CAP2: variants seen among roughly 807,000 people sequenced by gnomAD.
CAP2 encodes cyclase associated actin cytoskeleton regulatory protein 2.
In CAP2, 24 loss-of-function variants were observed where a neutral mutation model predicts 57.7. The ratio of observed to expected loss-of-function variants is 0.42; its 90% CI spans 0.30 to 0.58. CAP2 has a LOEUF of 0.58. Ranked by LOEUF, CAP2 falls within the 20% of genes least tolerant of loss-of-function variation. CAP2 has a pLI of 0.22. For missense variants in CAP2, 501 were observed against 590.3 expected, an observed-to-expected ratio of 0.85 and a Z score of 1.57; for synonymous variants, 194 against 207.2, an observed-to-expected ratio of 0.94 and a Z score of 0.55.
intron 7 of CAP2, among the ~76,000 whole-genome samples, chr6:17,533,138 G>A (rs1360982310): frequency 3.5e-5 from 5 of 142,938 alleles, no homozygotes; most frequent in African/African-American, 1.3e-4. Context: ...AAAATCTAAA[G>A]TAATAAAGCG....
chr6:17,493,949 G>A (rs1761604942), intron 4 of CAP2, among the ~76,000 whole-genome samples: 1 of 152,086 alleles, frequency 6.6e-6, no homozygotes, highest in South Asian at 2.1e-4. Context: ...AGTTGATGGC[G>A]ACTCCATCCT....
chr6:17,457,747 C>T (rs563211214), intron 3 of CAP2, among the ~76,000 whole-genome samples: 1 of 152,328 alleles, frequency 6.6e-6, no homozygotes, highest in African/African-American at 2.4e-5. Context: ...AATTGGCCAT[C>T]TTTGCTCATC....
chr6:17,548,306 G>A (rs9477479), intron 11 of CAP2, among the ~76,000 whole-genome samples: 31,071 of 151,416 alleles, frequency 0.21, 3,294 homozygotes, highest in East Asian at 0.36. Context: ...GGCGGAGGTT[G>A]CAGTGAGCCA....
rs535925928 is a variant in CAP2 at position 17,425,715 on chromosome 6, G to A, written c.122-875G>A. ...CTACCTCCCTGGGTCCGGAGGGAAT[G>A]AAATGAAATTATGTAGCGTCTTTAC... is the stretch of plus-strand genomic sequence containing the variant. On this transcript the variant is annotated intron_variant, in intron 2 of 12. Transcript: ENST00000229922. Among the ~76,000 whole-genome samples, 4 of 152,290 alleles carry A rather than the reference G, an allele frequency of 2.6e-5. No individual in the cohort carries two copies. The South Asian group carries it at 8.3e-4, about 32-fold the overall frequency.
intron 7 of CAP2, among the ~76,000 whole-genome samples, chr6:17,534,753 T>G (rs1156487317): frequency 6.6e-6 from 1 of 152,126 alleles, no homozygotes; most frequent in Non-Finnish European, 1.5e-5. Flanking sequence ...TTCCTTCTCA[T>G]CCAGTCTAGA....
chr6:17,533,078 C>CAAAAAAAAAA (rs58337644), intron 7 of CAP2, among the ~76,000 whole-genome samples: 6 of 87,556 alleles, frequency 6.9e-5, no homozygotes, highest in African/African-American at 8.7e-5. Context: ...CACCCCCCAC[C>CAAAAAAAAAA]AAAAAAAAAA....
At chr6:17,525,240 A>G (rs9477469) in intron 7 of CAP2, among the ~76,000 whole-genome samples, 8,263 of 152,212 alleles carry the variant, frequency 0.054, 273 homozygotes, top group Middle Eastern at 0.095. Context: ...ATCAATCAAA[A>G]TAGTAGTAGC....
intron 1 of CAP2, among the ~76,000 whole-genome samples, chr6:17,401,887 C>T (rs2113501766): frequency 6.6e-6 from 1 of 152,234 alleles, no homozygotes; most frequent in Non-Finnish European, 1.5e-5. Flanking sequence ...CCCCTCAATG[C>T]CTCTTTCTGA....
chr6:17,539,536 A>G (rs1322199430), intron 8 of CAP2, 78 bp downstream of exon 8: 1 of 1,081,376 alleles, frequency 9.2e-7, no homozygotes, highest in East Asian at 2.5e-5. Context: ...CTGGAGCCCC[A>G]GTGATGGATA....
intron 4 of CAP2, among the ~76,000 whole-genome samples, chr6:17,503,876 C>T (rs907696815): frequency 7.2e-5 from 11 of 152,120 alleles, no homozygotes; most frequent in African/African-American, 2.4e-4. Flanking sequence ...TTGTAGTTGT[C>T]AGAAGGGAAA....
chr6:17,439,843 T>C (rs554384946), intron 3 of CAP2, among the ~76,000 whole-genome samples: 7 of 151,578 alleles, frequency 4.6e-5, no homozygotes, highest in Middle Eastern at 3.4e-3. Context: ...GCTGGCTTGC[T>C]CACTGCTCAC....
At chr6:17,406,551 G>A (rs969661819) in intron 1 of CAP2, among the ~76,000 whole-genome samples, 10 of 151,764 alleles carry the variant, frequency 6.6e-5, no homozygotes, top group South Asian at 2.1e-4. Flanking sequence ...ATGCCACCAC[G>A]CCTGGCTAAT....
intron 1 of CAP2, among the ~76,000 whole-genome samples, chr6:17,419,619 C>T (rs1759377896): frequency 6.6e-6 from 1 of 152,040 alleles, no homozygotes; most frequent in African/African-American, 2.4e-5. Context: ...TTAGTCGGTA[C>T]TTACCCTATG....
At chr6:17,544,287 A>C (rs758571779) in intron 11 of CAP2, among the ~76,000 whole-genome samples, 1 of 152,188 alleles carries the variant, frequency 6.6e-6, no homozygotes. Context: ...AGACTCTCCT[A>C]GTATGATTAG....
chr6:17,471,910 A>G (rs146157950), intron 4 of CAP2, among the ~76,000 whole-genome samples: 2 of 152,262 alleles, frequency 1.3e-5, no homozygotes, highest in African/African-American at 4.8e-5. Context: ...GGTATTTCCC[A>G]GTGGTCTGGA....
At chr6:17,545,887 G>A (rs2113705702) in intron 11 of CAP2, among the ~76,000 whole-genome samples, 1 of 152,186 alleles carries the variant, frequency 6.6e-6, no homozygotes, top group South Asian at 2.1e-4. Flanking sequence ...CTTTTTTATG[G>A]CTGTATAGTA....
chr6:17,459,725 A>T (rs999101797), intron 3 of CAP2, among the ~76,000 whole-genome samples: 1 of 151,538 alleles, frequency 6.6e-6, no homozygotes, highest in Non-Finnish European at 1.5e-5. Context: ...TGCAAAAAAG[A>T]TATGTAAATT....
Position 17,459,092 on chromosome 6 carries a change from G to A in CAP2, c.223-3904G>A, listed in dbSNP as rs76781475. Among the ~76,000 whole-genome samples, 642 of 152,232 alleles carry A rather than the reference G, an allele frequency of 4.2e-3. 2 individuals are homozygous for A. The highest frequency in any genetic ancestry group is 6.1e-3 in the Non-Finnish European group (413 of 68,030). On this transcript the variant is annotated intron_variant, in intron 3 of 12. Coordinates refer to ENST00000229922, the MANE Select transcript of CAP2 (RefSeq NM_006366.3). ...ATATGAAGCAAGAAAAAAACACCAT[G>A]GACTGCTTCTGTTTATAGATGTAAA...
intron 4 of CAP2, among the ~76,000 whole-genome samples, chr6:17,483,766 G>T (rs1431333130): frequency 6.6e-6 from 1 of 152,026 alleles, no homozygotes; most frequent in Non-Finnish European, 1.5e-5. Flanking sequence ...CCTCTCCCCG[G>T]CGTGGCTGAC....
Sources: allele counts gnomAD v4.1 joint callset (sites outside exome capture counted in the v4.1 genomes callset), GRCh38; gene constraint gnomAD v4.1.1; transcripts MANE v1.5; gene names NCBI Gene and HGNC (gene_info 2026-07-23, HGNC 2026-07-21).